PPP1R7: variants seen among roughly 807,000 people sequenced by gnomAD.
The protein encoded by PPP1R7 is protein phosphatase 1 regulatory subunit 7, also known as protein phosphatase 1 regulatory subunit 22.
A neutral mutation model predicts 45.2 loss-of-function variants in PPP1R7; 18 were observed. The observed-to-expected ratio is 0.40, with a 90% confidence interval of 0.28 to 0.59. PPP1R7 has a LOEUF of 0.59. Among genes scored for constraint, PPP1R7 ranks in the 20% least tolerant of loss-of-function variants. The pLI, the probability that PPP1R7 is intolerant of heterozygous loss-of-function variation, is 0.46. For missense variants in PPP1R7, 314 were observed against 455.8 expected, an observed-to-expected ratio of 0.69 and a Z score of 2.83; for synonymous variants, 181 against 183.4, an observed-to-expected ratio of 0.99 and a Z score of 0.11.
intron 2 of PPP1R7, 69 bp downstream of exon 2, chr2:241,153,673 G>T: frequency 1.3e-6 from 2 of 1,574,524 alleles, no homozygotes; most frequent in Admixed American, 1.7e-5. Flanking sequence ...ACGTGGTCTG[G>T]CCCTGGGTGT....
chr2:241,182,718 G>A lies in PPP1R7; in HGVS notation c.978G>A (p.Val326=). 2.5e-6 allele frequency: 4 copies of A among 1,614,222 alleles called. No homozygotes were observed. The highest frequency in any genetic ancestry group is 2.5e-6 in the Non-Finnish European group (3 of 1,180,046). Residue 326 remains valine, a synonymous_variant, in exon 10 of 10, where the codon GTG becomes GTA. Coordinates refer to ENST00000234038, the MANE Select transcript of PPP1R7 (RefSeq NM_002712.3). ...ELKGARSLET[V]YLERNPLQKD... ...AGGGAGCCAGGAGCCTGGAGACAGT[G>A]TACCTGGAGCGGAACCCCTTGCAGA...
intron 2 of PPP1R7, 32 bp downstream of exon 2, chr2:241,153,636 C>G (rs1407698881): frequency 1.2e-6 from 2 of 1,609,492 alleles, no homozygotes; most frequent in East Asian, 2.2e-5. Context: ...GGGACATCTG[C>G]TGGTTGGGGG....
intron 7 of PPP1R7, 46 bp from the exon 8 acceptor site, chr2:241,166,291 A>T: frequency 1.3e-6 from 2 of 1,482,538 alleles, no homozygotes; most frequent in African/African-American, 2.8e-5. Context: ...GTTTCATTTC[A>T]TACCTTCTGT....
At chr2:241,175,929 C>G (rs939270327) in intron 9 of PPP1R7, among the ~76,000 whole-genome samples, 2 of 152,208 alleles carry the variant, frequency 1.3e-5, no homozygotes, top group African/African-American at 4.8e-5. Flanking sequence ...AGGTGAATGC[C>G]ACCACGCCTG....
intron 2 of PPP1R7, 124 bp downstream of exon 2, chr2:241,153,728 G>T: frequency 2.4e-6 from 3 of 1,268,680 alleles, no homozygotes; most frequent in Non-Finnish European, 3.2e-6. Flanking sequence ...CTCCTTAGGG[G>T]TCCTCAGTGG....
intron 9 of PPP1R7, among the ~76,000 whole-genome samples, chr2:241,180,087 C>T (rs764048762): frequency 5.9e-5 from 9 of 152,156 alleles, no homozygotes; most frequent in Non-Finnish European, 1.2e-4. Flanking sequence ...AAATACATCA[C>T]ATATCGAGAA....
chr2:241,163,359 G>A lies in PPP1R7; in HGVS notation c.672G>A (p.Gln224=). Residue 224 remains glutamine (Q), a synonymous_variant, in exon 7 of 10, where the codon CAG becomes CAA. Coordinates refer to ENST00000234038, the MANE Select transcript of PPP1R7 (RefSeq NM_002712.3). ...GGAAAAACAAAATTACTAAACTTCAGAACCTGGATGCGCTCACCAACCTGA... is the reference window on the plus strand; with the variant it reads ...GGAAAAACAAAATTACTAAACTTCAAAACCTGGATGCGCTCACCAACCTGA... The part of the protein sequence containing the change: ...FLGKNKITKL[Q]NLDALTNLTV... 1 of 1,613,942 alleles carries A rather than the reference G, an allele frequency of 6.2e-7. No individual in the cohort carries two copies. The highest frequency in any genetic ancestry group is 1.1e-5 in the South Asian group (1 of 91,064).
At chr2:241,157,336 A>G (rs1312239639) in intron 2 of PPP1R7, among the ~76,000 whole-genome samples, 4 of 152,224 alleles carry the variant, frequency 2.6e-5, no homozygotes, top group African/African-American at 7.2e-5. Flanking sequence ...AGAGCATCTG[A>G]TGTGCCCAGC....
In PPP1R7 at chr2:241,161,939, T is replaced by A. The variant is rs140989302; in HGVS notation, c.598-1346T>A. Among the ~76,000 whole-genome samples the A allele has an allele frequency of 2.6e-5, 4 of 152,340 alleles. No homozygotes were observed. The East Asian group carries it at 7.7e-4, about 29-fold the overall frequency. On this transcript the variant is annotated intron_variant, in intron 6 of 9. Transcript: ENST00000234038. ...AGCTGTGTCTAAGCACATCCGCCCC[T>A]GCCCATGTTCAGAATGCCCCTCTAC...
chr2:241,169,899 CTT>C, intron 9 of PPP1R7, 32 bp downstream of exon 9: 2 of 1,504,284 alleles, frequency 1.3e-6, no homozygotes, highest in Non-Finnish European at 1.9e-6. Context: ...GTTGATGACA[CTT>C]TGACTAAACT....
At chr2:241,172,889 A>T in intron 9 of PPP1R7, among the ~76,000 whole-genome samples, 1 of 150,476 alleles carries the variant, frequency 6.6e-6, no homozygotes, top group Non-Finnish European at 1.5e-5. Flanking sequence ...AGCTTGAGAG[A>T]TTTTTTTTTC....
At chr2:241,162,089 T>C (rs2067605966) in intron 6 of PPP1R7, among the ~76,000 whole-genome samples, 2 of 152,200 alleles carry the variant, frequency 1.3e-5, no homozygotes, top group Admixed American at 1.3e-4. Context: ...AGAGATGTCA[T>C]GGCCACAAAT....
chr2:241,158,088 C>T (rs2067500884), intron 3 of PPP1R7, among the ~76,000 whole-genome samples: 1 of 152,198 alleles, frequency 6.6e-6, no homozygotes, highest in African/African-American at 2.4e-5. Context: ...CATACATTGT[C>T]TGGGTCTGAT....
chr2:241,177,356 G>GT (rs2067925267), intron 9 of PPP1R7, among the ~76,000 whole-genome samples: 1 of 152,072 alleles, frequency 6.6e-6, no homozygotes, highest in Non-Finnish European at 1.5e-5. Context: ...GGCAGAGGTT[G>GT]CAGTGAGCCA....
chr2:241,173,532 A>T (rs1396770105), intron 9 of PPP1R7, among the ~76,000 whole-genome samples: 1 of 152,170 alleles, frequency 6.6e-6, no homozygotes, highest in African/African-American at 2.4e-5. Context: ...ACTTGAATAT[A>T]GCGTGCCATG....
In PPP1R7 at chr2:241,177,678, C is replaced by T. The variant is rs575612146; in HGVS notation, c.907-4969C>T. Among the ~76,000 whole-genome samples, 3 of 152,304 alleles carry T rather than the reference C, an allele frequency of 2.0e-5. No homozygotes were observed. The South Asian group carries it at 6.2e-4, about 32-fold the overall frequency. ...TATGATGCATCCCGCCCCTGCCATACGCGACTTGTTTCAAGCTGACATCCA... is the reference window on the plus strand; with the variant it reads ...TATGATGCATCCCGCCCCTGCCATATGCGACTTGTTTCAAGCTGACATCCA... On this transcript the variant is annotated intron_variant, in intron 9 of 9. Transcript: ENST00000234038.
chr2:241,172,658 A>C (rs1259578107), intron 9 of PPP1R7, among the ~76,000 whole-genome samples: 1 of 149,222 alleles, frequency 6.7e-6, no homozygotes, highest in Admixed American at 6.6e-5. Context: ...AAAAAAAAAA[A>C]GAAATTTAAA....
intron 9 of PPP1R7, among the ~76,000 whole-genome samples, chr2:241,178,630 T>TTC (rs1318775450): frequency 7.6e-6 from 1 of 130,774 alleles, no homozygotes; most frequent in African/African-American, 2.9e-5. Context: ...CTAATTTTTT[T>TTC]TTTTTTTTTT....
At chr2:241,159,081 C>G in intron 4 of PPP1R7, 132 bp from the exon 5 acceptor site, 1 of 1,175,264 alleles carries the variant, frequency 8.5e-7, no homozygotes, top group Admixed American at 2.2e-5. Flanking sequence ...CAGCACCTTT[C>G]TAGGAAACAG....
Sources: allele counts gnomAD v4.1 joint callset (sites outside exome capture counted in the v4.1 genomes callset), GRCh38; gene constraint gnomAD v4.1.1; transcripts MANE v1.5; gene names NCBI Gene and HGNC (gene_info 2026-07-23, HGNC 2026-07-21).